FGGY: variants seen among roughly 807,000 people sequenced by gnomAD.
The protein encoded by FGGY is FGGY carbohydrate kinase domain containing.
In FGGY, 72 loss-of-function variants were observed where a neutral mutation model predicts 71.3. The ratio of observed to expected loss-of-function variants is 1.01; its 90% CI spans 0.84 to 1.23. The LOEUF (loss-of-function observed/expected upper bound fraction) is 1.23. Among genes scored for constraint, FGGY ranks in the 50% most tolerant of loss-of-function variants. FGGY has a pLI of 0.00. For missense variants in FGGY, 668 were observed against 682.3 expected (o/e 0.98, Z 0.23); for synonymous variants, 251 against 250.3 (o/e 1.00, Z -0.02).
At chr1:59,591,644 A>G (rs2096441642) in intron 8 of FGGY, among the ~76,000 whole-genome samples, 1 of 152,182 alleles carries the variant, frequency 6.6e-6, no homozygotes, top group African/African-American at 2.4e-5. Context: ...GCATATCTAT[A>G]ACTACCTGAT....
chr1:59,446,592 A>G (rs1033510421), intron 5 of FGGY, among the ~76,000 whole-genome samples: 17 of 152,224 alleles, frequency 1.1e-4, no homozygotes, highest in South Asian at 8.3e-4. Context: ...TAGCAATCCA[A>G]TCTGAGTCAT....
intron 5 of FGGY, among the ~76,000 whole-genome samples, chr1:59,449,459 A>G (rs905771621): frequency 6.6e-6 from 1 of 151,798 alleles, no homozygotes. Flanking sequence ...TTTTTTTTGT[A>G]TTTTTAGTAG....
At chr1:59,579,796 TTA>T (rs2096154610) in intron 8 of FGGY, among the ~76,000 whole-genome samples, 1 of 152,288 alleles carries the variant, frequency 6.6e-6, no homozygotes, top group African/African-American at 2.4e-5. Context: ...TTGCCTCAGA[TTA>T]TGTCATTCCT....
intron 6 of FGGY, among the ~76,000 whole-genome samples, chr1:59,482,628 C>CTG (rs910005480): frequency 9.3e-5 from 5 of 53,818 alleles, no homozygotes; most frequent in African/African-American, 1.3e-4. Flanking sequence ...GTGTGTGTGT[C>CTG]TGTGTGTATA....
Position 59,435,687 on chromosome 1 carries a change from C to T in FGGY, c.555-21274C>T, listed in dbSNP as rs76709784. Among the ~76,000 whole-genome samples the T allele has an allele frequency of 4.1e-3, 623 of 152,048 alleles. 3 individuals are homozygous for T. The highest frequency in any genetic ancestry group is 0.014 in the African/African-American group (578 of 41,482). ...GCTGCCCACGCTGCCCAAAGATGGCCTACTGGGTCACTTTCTTCTTTGCCA... is the reference window on the plus strand; with the variant it reads ...GCTGCCCACGCTGCCCAAAGATGGCTTACTGGGTCACTTTCTTCTTTGCCA... On this transcript the variant is annotated intron_variant, in intron 5 of 15. Coordinates refer to ENST00000303721, the MANE Select transcript of FGGY (RefSeq NM_018291.5).
At chr1:59,735,615 AC>A (rs1454042446) in intron 14 of FGGY, among the ~76,000 whole-genome samples, 3 of 152,102 alleles carry the variant, frequency 2.0e-5, no homozygotes, top group Non-Finnish European at 4.4e-5. Context: ...GGCAGCTATG[AC>A]TCCTGTTTTA....
At chr1:59,691,660 CTG>C (rs1337800891) in intron 14 of FGGY, among the ~76,000 whole-genome samples, 22 of 121,270 alleles carry the variant, frequency 1.8e-4, no homozygotes, top group African/African-American at 6.5e-4. Context: ...TTTTTTTTAA[CTG>C]TATGTTTCAA....
At chr1:59,460,699 C>T (rs1392492049) in intron 6 of FGGY, among the ~76,000 whole-genome samples, 2 of 152,174 alleles carry the variant, frequency 1.3e-5, no homozygotes, top group Non-Finnish European at 2.9e-5. Flanking sequence ...TGGGATGAAG[C>T]TTCCAGAGGA....
intron 7 of FGGY, among the ~76,000 whole-genome samples, chr1:59,536,854 A>G (rs917000989): frequency 2.0e-5 from 3 of 152,180 alleles, no homozygotes; most frequent in Non-Finnish European, 4.4e-5. Flanking sequence ...TTTCAAAATA[A>G]TAAGAGCTAT....
At chr1:59,641,176 A>G (rs971543496) in intron 11 of FGGY, 5 of 747,616 alleles carry the variant, frequency 6.7e-6, no homozygotes, top group Non-Finnish European at 1.1e-5. Context: ...TGGCATGTGA[A>G]TGTCTACAAT....
chr1:59,383,322 G>T (rs934376950), intron 5 of FGGY, among the ~76,000 whole-genome samples: 1 of 152,124 alleles, frequency 6.6e-6, no homozygotes, highest in Non-Finnish European at 1.5e-5. Flanking sequence ...GGACAACACT[G>T]CCTAACAGAA....
At position 59,729,269 on chromosome 1, in the gene FGGY, G is replaced by A. The variant is rs181649707; in HGVS notation, c.1513-28662G>A. Among the ~76,000 whole-genome samples, 6 of 151,664 alleles carry A rather than the reference G, an allele frequency of 4.0e-5. No homozygotes were observed. In the East Asian group the frequency reaches 7.7e-4, roughly 20 times the overall value. On this transcript the variant is annotated intron_variant, in intron 14 of 15. Transcript: ENST00000303721. ...ATTTTCGTCTCTCGTTACATTGTCCGTTTGTGCATAGTGTTTACTTTTTCT... is the reference window on the plus strand; with the variant it reads ...ATTTTCGTCTCTCGTTACATTGTCCATTTGTGCATAGTGTTTACTTTTTCT...
intron 7 of FGGY, among the ~76,000 whole-genome samples, chr1:59,546,632 T>C (rs1032203120): frequency 5.3e-5 from 8 of 151,596 alleles, no homozygotes; most frequent in Non-Finnish European, 1.0e-4. Flanking sequence ...GTGCAAGCTC[T>C]GCTTCCCAGG....
intron 4 of FGGY, among the ~76,000 whole-genome samples, chr1:59,357,003 C>A (rs10157864): frequency 0.023 from 3,463 of 152,204 alleles, 140 homozygotes; most frequent in African/African-American, 0.079. Flanking sequence ...AATGTTTATA[C>A]CAGGGCCCTG....
intron 5 of FGGY, among the ~76,000 whole-genome samples, chr1:59,381,113 A>T (rs1034026103): frequency 6.6e-6 from 1 of 152,042 alleles, no homozygotes; most frequent in African/African-American, 2.4e-5. Context: ...GATATGTGGC[A>T]TTATTTCTGA....
intron 8 of FGGY, among the ~76,000 whole-genome samples, chr1:59,577,336 G>T (rs1331684477): frequency 6.6e-6 from 1 of 152,146 alleles, no homozygotes; most frequent in African/African-American, 2.4e-5. Flanking sequence ...ATTGCTTATT[G>T]CATTTTCTTC....
intron 5 of FGGY, among the ~76,000 whole-genome samples, chr1:59,391,299 A>T (rs1311668085): frequency 6.6e-6 from 1 of 152,138 alleles, no homozygotes; most frequent in Non-Finnish European, 1.5e-5. Flanking sequence ...CTTAAAGTCC[A>T]GGGAGGGCGA....
chr1:59,629,196 C>T (rs1308582968), intron 10 of FGGY, among the ~76,000 whole-genome samples: 1 of 150,854 alleles, frequency 6.6e-6, no homozygotes, highest in Non-Finnish European at 1.5e-5. Flanking sequence ...GTACATGTAC[C>T]CTGGAACTTA....
intron 14 of FGGY, among the ~76,000 whole-genome samples, chr1:59,690,691 G>A (rs1216878234): frequency 6.6e-6 from 1 of 152,208 alleles, no homozygotes; most frequent in African/African-American, 2.4e-5. Context: ...TGGAGGTGAA[G>A]TTTTACAGAG....
Sources: gnomAD v4.1 joint callset for allele counts (sites outside exome capture counted in the v4.1 genomes callset) on GRCh38, gnomAD v4.1.1 for gene constraint, MANE v1.5 for transcripts, NCBI Gene and HGNC (gene_info 2026-07-23, HGNC 2026-07-21) for gene names.